The following UGT1A10 variants were observed in gnomAD, a reference collection of about 807,000 sequenced individuals.
UGT1A10 encodes the protein UDP-glucuronosyltransferase 1A10.
A neutral mutation model predicts 45.8 loss-of-function variants in UGT1A10; 49 were observed. The observed-to-expected ratio is 1.07, with a 90% confidence interval of 0.85 to 1.36. The LOEUF is 1.36. UGT1A10 is among the 40% of genes most tolerant of loss of function. The probability of loss-of-function intolerance (pLI) is 0.00; values close to 1 mark genes in which losing one functional copy is unlikely to be tolerated. For synonymous variants in UGT1A10, 284 were observed against 249.7 expected (o/e 1.14, Z -1.29); for missense variants, 745 against 668.6 (o/e 1.11, Z -1.26).
At chr2:233,754,037 T>C (rs1376554387) in intron 1 of UGT1A10, among the ~76,000 whole-genome samples, 1 of 152,244 alleles carries the variant, frequency 6.6e-6, no homozygotes, top group Non-Finnish European at 1.5e-5. Context: ...ATGCATCCAC[T>C]TTGCCAGGTT....
At chr2:233,760,618 A>C (rs558023429) in intron 1 of UGT1A10, 1 of 1,614,234 alleles carries the variant, frequency 6.2e-7, no homozygotes, top group Non-Finnish European at 8.5e-7. Context: ...GCGTGTGATC[A>C]AAACATACAA....
At chr2:233,654,846 C>T (rs1293467540) in intron 1 of UGT1A10, among the ~76,000 whole-genome samples, 3 of 152,168 alleles carry the variant, frequency 2.0e-5, no homozygotes, top group Admixed American at 6.5e-5. Context: ...AATCCCTGCA[C>T]TTAGGGAAAC....
At chr2:233,690,749 C>G in intron 1 of UGT1A10, 1 of 1,180,016 alleles carries the variant, frequency 8.5e-7, no homozygotes, top group South Asian at 1.6e-5. Flanking sequence ...GGCTAGTGTC[C>G]AGTGCAGACA....
intron 1 of UGT1A10, among the ~76,000 whole-genome samples, chr2:233,710,371 A>G (rs1323187790): frequency 6.6e-6 from 1 of 152,256 alleles, no homozygotes; most frequent in Non-Finnish European, 1.5e-5. Context: ...ACAATTTTAC[A>G]TTCCTAACAG....
intron 1 of UGT1A10, among the ~76,000 whole-genome samples, chr2:233,763,573 CTCTT>C (rs1698348195): frequency 1.3e-5 from 2 of 152,188 alleles, no homozygotes; most frequent in African/African-American, 4.8e-5. Flanking sequence ...TTCTTATTTT[CTCTT>C]TCTTCCTTTG....
chr2:233,713,012 TC>T, intron 1 of UGT1A10: 2 of 1,613,498 alleles, frequency 1.2e-6, no homozygotes, highest in Non-Finnish European at 1.7e-6. Flanking sequence ...GACTCCAGGT[TC>T]CCCTGCCGCA....
At chr2:233,708,902 GTTAGGTA>G (rs1432720061) in intron 1 of UGT1A10, among the ~76,000 whole-genome samples, 1 of 152,038 alleles carries the variant, frequency 6.6e-6, no homozygotes, top group Non-Finnish European at 1.5e-5. Flanking sequence ...GGGCTATCTG[GTTAGGTA>G]TTGCTTGCTA....
chr2:233,689,268 A>G (rs537771403), intron 1 of UGT1A10, among the ~76,000 whole-genome samples: 1 of 152,312 alleles, frequency 6.6e-6, no homozygotes, highest in African/African-American at 2.4e-5. Context: ...TATTGTTATC[A>G]TACTAAACTA....
chr2:233,658,297 G>A (rs935597312), intron 1 of UGT1A10, among the ~76,000 whole-genome samples: 6 of 152,158 alleles, frequency 3.9e-5, no homozygotes, highest in Admixed American at 3.3e-4. Context: ...GGGATTACAG[G>A]TGTGAGCAAT....
chr2:233,639,773 A>G (rs1433252989), intron 1 of UGT1A10, among the ~76,000 whole-genome samples: 1 of 152,222 alleles, frequency 6.6e-6, no homozygotes, highest in Non-Finnish European at 1.5e-5. Context: ...TCCAATTTCA[A>G]CATGGGATTT....
intron 1 of UGT1A10, among the ~76,000 whole-genome samples, chr2:233,651,796 C>T (rs143477019): frequency 1.4e-3 from 206 of 152,212 alleles, no homozygotes; most frequent in African/African-American, 4.6e-3. Flanking sequence ...TGTGTGTCCA[C>T]GCGTGTTTGT....
rs140853103 is a variant in UGT1A10 at position 233,683,961 on chromosome 2, G to A, written c.855+46584G>A. On this transcript the variant is annotated intron_variant, in intron 1 of 4. Transcript: ENST00000344644. ...TGTTGGTCTAGCCAGCTTAAATTAG[G>A]ATTTGGTCACTTGCAATTGAAAAAG... Among the ~76,000 whole-genome samples the A allele has an allele frequency of 1.4e-4, 21 of 152,256 alleles. No homozygotes were observed. The South Asian group carries it at 3.1e-3, about 23-fold the overall frequency.
chr2:233,655,513 A>G (rs907474728), intron 1 of UGT1A10, among the ~76,000 whole-genome samples: 7 of 152,198 alleles, frequency 4.6e-5, no homozygotes, highest in African/African-American at 1.4e-4. Flanking sequence ...GTCATTTCCA[A>G]TGGGTGACAA....
Position 233,760,863 on chromosome 2 carries a change from C to T in UGT1A10, c.856-6171C>T, listed in dbSNP as rs764242339. On this transcript the variant is annotated intron_variant, in intron 1 of 4. Coordinates refer to ENST00000344644, the MANE Select transcript of UGT1A10 (RefSeq NM_019075.4). ...CCCAGTGCCCCAACCCATTCTCCTA[C>T]GTGCCCAGGCCTCTCTCCTCTCATT... The T allele has an allele frequency of 8.1e-6, 13 of 1,614,016 alleles. No homozygotes were observed. Among genetic ancestry groups the T allele is most frequent in the South Asian group, 4.4e-5 (4 of 91,088 alleles).
At chr2:233,717,943 A>C (rs1575519022) in intron 1 of UGT1A10, 1 of 453,580 alleles carries the variant, frequency 2.2e-6, no homozygotes, top group East Asian at 7.0e-5. Flanking sequence ...CTCTATGCAG[A>C]CTTGCAGAAG....
At position 233,760,448 on chromosome 2, in the gene UGT1A10, G is replaced by T. The variant is rs770426284; in HGVS notation, c.856-6586G>T. On this transcript the variant is annotated intron_variant, in intron 1 of 4. Coordinates refer to ENST00000344644, the MANE Select transcript of UGT1A10 (RefSeq NM_019075.4). ...GCCATCCAGCAGCTGCAGCAGAGGGGACATGAAATAGTTGTCCTAGCACCT... is the reference window on the plus strand; with the variant it reads ...GCCATCCAGCAGCTGCAGCAGAGGGTACATGAAATAGTTGTCCTAGCACCT... The T allele has an allele frequency of 1.2e-5, 19 of 1,614,238 alleles. No individual in the cohort carries two copies. In the Middle Eastern group the frequency reaches 1.3e-3, roughly 112 times the overall value.
At chr2:233,675,451 T>A (rs1414042107) in intron 1 of UGT1A10, among the ~76,000 whole-genome samples, 2 of 152,182 alleles carry the variant, frequency 1.3e-5, no homozygotes, top group Non-Finnish European at 2.9e-5. Flanking sequence ...GAATTCAGGC[T>A]TTGTCTATAC....
chr2:233,663,589 C>T (rs1559330237), intron 1 of UGT1A10, among the ~76,000 whole-genome samples: 1 of 152,090 alleles, frequency 6.6e-6, no homozygotes, highest in Non-Finnish European at 1.5e-5. Context: ...CTGCATGAAT[C>T]CTAAACCATA....
At chr2:233,658,629 A>G (rs28969993) in intron 1 of UGT1A10, among the ~76,000 whole-genome samples, 1 of 152,084 alleles carries the variant, frequency 6.6e-6, no homozygotes, top group Non-Finnish European at 1.5e-5. Flanking sequence ...TGATGTTTTG[A>G]TCATGGTTAG....
Sources: allele counts gnomAD v4.1 joint callset (sites outside exome capture counted in the v4.1 genomes callset), GRCh38; gene constraint gnomAD v4.1.1; transcripts MANE v1.5; gene names NCBI Gene and HGNC (gene_info 2026-07-23, HGNC 2026-07-21).